Variants in NEBL observed in about 807,000 individuals in gnomAD.
The protein encoded by NEBL is nebulette.
Under a neutral mutation model 140.2 loss-of-function variants are expected in NEBL, and 122 were observed. The ratio of observed to expected loss-of-function variants is 0.87; its 90% CI spans 0.75 to 1.01. The LOEUF (loss-of-function observed/expected upper bound fraction) is 1.01, where lower values mean the gene tolerates loss of function less well. Among genes scored for constraint, NEBL ranks in the 50% least tolerant of loss-of-function variants. The pLI, the probability that NEBL is intolerant of heterozygous loss-of-function variation, is 0.00. For synonymous variants in NEBL, 436 were observed against 398.9 expected, an observed-to-expected ratio of 1.09 and a Z score of -1.11; for missense variants, 1,365 against 1,231.3, an observed-to-expected ratio of 1.11 and a Z score of -1.62.
At chr10:21,176,026 G>T (rs141770352), upstream of NEBL, among the ~76,000 whole-genome samples, 64 of 149,508 alleles carry the variant, frequency 4.3e-4, no homozygotes, top group Non-Finnish European at 7.1e-4. Flanking sequence ...GTCTAACTCT[G>T]TCACCCAGGC....
chr10:21,189,249 G>A (rs977436947), intron 3 of NEBL, among the ~76,000 whole-genome samples: 2 of 152,090 alleles, frequency 1.3e-5, no homozygotes, highest in African/African-American at 4.8e-5. Flanking sequence ...ATTTAAGACA[G>A]GCAGAAGAGG....
At chr10:20,950,161 C>T (rs150357967) in intron 4 of NEBL, among the ~76,000 whole-genome samples, 6 of 152,270 alleles carry the variant, frequency 3.9e-5, no homozygotes, top group Middle Eastern at 6.8e-3. Flanking sequence ...AACTACAAGC[C>T]GCAGGGCATC....
At chr10:21,276,830 G>T (rs1842930239) in intron 1 of NEBL, among the ~76,000 whole-genome samples, 1 of 152,162 alleles carries the variant, frequency 6.6e-6, no homozygotes, top group Non-Finnish European at 1.5e-5. Flanking sequence ...TTAGCCAACA[G>T]TGATGGCAGG....
intron 3 of NEBL, among the ~76,000 whole-genome samples, chr10:21,205,376 G>A (rs1349846465): frequency 2.6e-5 from 4 of 151,978 alleles, no homozygotes; most frequent in Non-Finnish European, 5.9e-5. Context: ...TGATATTTAG[G>A]GCAATGTATA....
intron 3 of NEBL, among the ~76,000 whole-genome samples, chr10:21,243,333 G>C (rs1842466660): frequency 6.8e-6 from 1 of 147,432 alleles, no homozygotes; most frequent in Non-Finnish European, 1.5e-5. Context: ...TCAGGGTACG[G>C]TTGCATGCTG....
intron 3 of NEBL, among the ~76,000 whole-genome samples, chr10:21,226,126 C>G (rs189601800): frequency 6.6e-6 from 1 of 152,104 alleles, no homozygotes; most frequent in East Asian, 1.9e-4. Flanking sequence ...GACTGTGTCC[C>G]TCTCTTTAAG....
chr10:21,187,134 T>C (rs1841487388), intron 3 of NEBL, among the ~76,000 whole-genome samples: 1 of 152,104 alleles, frequency 6.6e-6, no homozygotes, highest in South Asian at 2.1e-4. Context: ...TATACATACA[T>C]ACATACACAC....
intron 4 of NEBL, among the ~76,000 whole-genome samples, chr10:20,939,099 T>C (rs1009260275): frequency 6.6e-6 from 1 of 152,016 alleles, no homozygotes; most frequent in Non-Finnish European, 1.5e-5. Flanking sequence ...ACCACAAAGA[T>C]ACTCCCCAAG....
chr10:21,259,522 T>G (rs746549360), intron 1 of NEBL, among the ~76,000 whole-genome samples: 3 of 152,010 alleles, frequency 2.0e-5, no homozygotes, highest in African/African-American at 4.8e-5. Flanking sequence ...CCTCAAAAGA[T>G]CCACACCTAG....
intron 1 of NEBL, among the ~76,000 whole-genome samples, chr10:21,288,847 TATA>T (rs1185647943): frequency 2.2e-5 from 2 of 88,990 alleles, no homozygotes; most frequent in African/African-American, 1.0e-4. Context: ...TATATATATA[TATA>T]AAAATTTTTT....
At chr10:21,110,128 C>T (rs527684501) in intron 2 of NEBL, among the ~76,000 whole-genome samples, 5 of 152,154 alleles carry the variant, frequency 3.3e-5, no homozygotes, top group South Asian at 2.1e-4. Flanking sequence ...CCTGTTTTCT[C>T]CTGTGGACAA....
chr10:20,976,333 A>G (rs1283962675), intron 3 of NEBL, among the ~76,000 whole-genome samples: 1 of 147,656 alleles, frequency 6.8e-6, no homozygotes, highest in African/African-American at 2.6e-5. Context: ...CTGAGACTCT[A>G]TATTAAAAAA....
At position 21,054,061 on chromosome 10, in the gene NEBL, G is replaced by A. The variant is rs925187795; in HGVS notation, c.165-33860C>T. 3.3e-5 allele frequency among the ~76,000 whole-genome samples: 5 copies of A among 151,356 alleles called. No individual in the cohort carries two copies. In the East Asian group the frequency reaches 9.7e-4, roughly 29 times the overall value. Reference sequence around the variant, plus strand: ...ACAAAAAACAAAAAACAAAAAAGAAGTATGCCTAAAACACTCAGGATATCA... The same window carrying A: ...ACAAAAAACAAAAAACAAAAAAGAAATATGCCTAAAACACTCAGGATATCA... On this transcript the variant is annotated intron_variant, in intron 2 of 6. Transcript: ENST00000417816.
At chr10:21,246,252 G>A (rs1034649787) in intron 3 of NEBL, among the ~76,000 whole-genome samples, 13 of 152,152 alleles carry the variant, frequency 8.5e-5, no homozygotes, top group Admixed American at 2.0e-4. Context: ...AGAATGTGAC[G>A]CAACTAAAAC....
intron 2 of NEBL, among the ~76,000 whole-genome samples, chr10:21,134,826 T>G (rs1839275982): frequency 6.6e-6 from 1 of 152,210 alleles, no homozygotes; most frequent in Admixed American, 6.5e-5. Context: ...GTAAGAACAT[T>G]GTTCTCTTCC....
At chr10:21,125,998 A>G in intron 2 of NEBL, 2 of 1,614,158 alleles carry the variant, frequency 1.2e-6, no homozygotes, top group Non-Finnish European at 1.7e-6. Context: ...CGGCTTGTAG[A>G]GACTGAAGCT....
At chr10:21,115,043 G>C (rs1428626654) in intron 2 of NEBL, among the ~76,000 whole-genome samples, 2 of 150,636 alleles carry the variant, frequency 1.3e-5, no homozygotes, top group African/African-American at 4.9e-5. Context: ...TTCTTTATTG[G>C]CTTATTAGCT....
chr10:21,200,307 A>ATTTTTT (rs1841712316), intron 3 of NEBL, among the ~76,000 whole-genome samples: 1 of 66,984 alleles, frequency 1.5e-5, no homozygotes, highest in African/African-American at 8.1e-5. Flanking sequence ...ATTCCAAGGG[A>ATTTTTT]CTTTTTTTTT....
intron 2 of NEBL, among the ~76,000 whole-genome samples, chr10:21,160,385 C>T (rs995622797): frequency 1.3e-5 from 2 of 152,056 alleles, no homozygotes; most frequent in African/African-American, 4.8e-5. Flanking sequence ...CCTGACATTA[C>T]ATAACTGCTG....
Sources: allele counts gnomAD v4.1 joint callset (sites outside exome capture counted in the v4.1 genomes callset), GRCh38; gene constraint gnomAD v4.1.1; transcripts MANE v1.5; gene names NCBI Gene and HGNC (gene_info 2026-07-23, HGNC 2026-07-21).